Variants in CFAP47 observed in about 807,000 individuals in gnomAD.
The protein encoded by CFAP47 is cilia and flagella associated protein 47.
A neutral mutation model predicts 148.1 loss-of-function variants in CFAP47; 29 were observed. The ratio of observed to expected loss-of-function variants is 0.20; its 90% CI spans 0.15 to 0.27. The LOEUF (loss-of-function observed/expected upper bound fraction) is 0.27. Among genes scored for constraint, CFAP47 ranks in the 10% least tolerant of loss-of-function variants. The pLI, the probability that CFAP47 is intolerant of heterozygous loss-of-function variation, is 1.00. For synonymous variants in CFAP47, 664 were observed against 577.3 expected (o/e 1.15, Z -2.15); for missense variants, 1,872 against 1,697.5 (o/e 1.10, Z -1.81).
intron 2 of CFAP47, among the ~76,000 whole-genome samples, chrX:35,926,570 T>C (rs1428432818): frequency 8.9e-6 from 1 of 112,288 alleles, no homozygotes; most frequent in East Asian, 2.8e-4. Context: ...GACTTGGTTG[T>C]TACAAATTAT....
At chrX:35,922,722 T>A (rs1481841328) in intron 1 of CFAP47, among the ~76,000 whole-genome samples, 6 of 112,581 alleles carry the variant, frequency 5.3e-5, no homozygotes, top group African/African-American at 1.9e-4. Flanking sequence ...TCCAAATCAC[T>A]CCACTTCTCT....
intron 45 of CFAP47, among the ~76,000 whole-genome samples, chrX:36,208,328 C>T (rs1940061312): frequency 9.0e-6 from 1 of 110,973 alleles, no homozygotes; most frequent in African/African-American, 3.3e-5. Context: ...ACTATATGTA[C>T]AGTCATCCCT....
At chrX:36,076,994 A>G (rs1937871448) in intron 29 of CFAP47, among the ~76,000 whole-genome samples, 1 of 110,268 alleles carries the variant, frequency 9.1e-6, no homozygotes, top group Non-Finnish European at 1.9e-5. Flanking sequence ...TTGAATACAG[A>G]ATCCTTTCTC....
intron 48 of CFAP47, among the ~76,000 whole-genome samples, chrX:36,238,475 T>C (rs782316984): frequency 1.1e-4 from 12 of 111,987 alleles, no homozygotes; most frequent in Non-Finnish European, 2.3e-4. Flanking sequence ...TCATATCACC[T>C]ATGTAATTTG....
rs757718555 is a variant in CFAP47, at chrX:35,988,523, A to C, written c.2714-796A>C. 8.9e-5 allele frequency among the ~76,000 whole-genome samples: 10 copies of C among 111,970 alleles called. No homozygotes were observed. In the East Asian group the frequency reaches 2.5e-3, roughly 28 times the overall value. ...AAACTAAGAGGGAGGTAGGCAGTATATAGTTTTTAAGATTTAGAAAACTTC... is the reference window on the plus strand; with the variant it reads ...AAACTAAGAGGGAGGTAGGCAGTATCTAGTTTTTAAGATTTAGAAAACTTC... On this transcript the variant is annotated intron_variant, in intron 15 of 63. Transcript: ENST00000378653.
intron 18 of CFAP47, 32 bp downstream of exon 18, chrX:35,993,353 A>G (rs763415341): frequency 6.9e-6 from 2 of 288,262 alleles, no homozygotes; most frequent in Non-Finnish European, 1.2e-5. Context: ...TTTGCACCTT[A>G]CATATGTCTA....
At chrX:35,975,568 A>G in intron 14 of CFAP47, 104 bp from the exon 15 acceptor site, 1 of 851,080 alleles carries the variant, frequency 1.2e-6, no homozygotes, top group Admixed American at 2.7e-5. Flanking sequence ...CGTGCTAAGA[A>G]TTGTGGATGT....
intron 33 of CFAP47, among the ~76,000 whole-genome samples, chrX:36,121,496 A>G (rs1456430575): frequency 3.7e-5 from 4 of 109,537 alleles, no homozygotes; most frequent in Non-Finnish European, 7.6e-5. Flanking sequence ...TGATTATATG[A>G]TTTAGTGTTT....
chrX:36,202,211 C>A (rs782424241), intron 44 of CFAP47, among the ~76,000 whole-genome samples: 2 of 111,442 alleles, frequency 1.8e-5, no homozygotes, highest in South Asian at 7.5e-4. Flanking sequence ...AAGGTACAAT[C>A]TATTTTTATG....
intron 49 of CFAP47, among the ~76,000 whole-genome samples, chrX:36,272,649 T>C (rs1470262366): frequency 2.7e-5 from 3 of 111,506 alleles, no homozygotes; most frequent in Non-Finnish European, 5.7e-5. Flanking sequence ...CAGTTAATAA[T>C]GTAATAAAGA....
At chrX:36,069,847 A>T (rs755533659) in intron 27 of CFAP47, among the ~76,000 whole-genome samples, 3 of 112,123 alleles carry the variant, frequency 2.7e-5, no homozygotes, top group Admixed American at 1.9e-4. Context: ...TATCAAGTAT[A>T]TCTAAAAGTA....
chrX:36,152,011 A>C (rs1186054787), intron 37 of CFAP47, among the ~76,000 whole-genome samples: 3 of 110,587 alleles, frequency 2.7e-5, no homozygotes, highest in African/African-American at 6.6e-5. Flanking sequence ...CTTCTTTTCT[A>C]AGTGTAATAA....
At chrX:36,167,820 G>C (rs1000846532) in intron 39 of CFAP47, among the ~76,000 whole-genome samples, 4 of 111,679 alleles carry the variant, frequency 3.6e-5, no homozygotes. Flanking sequence ...TTATATTTTA[G>C]TTTATTTTGT....
chrX:36,250,750 AG>A (rs1940681438), intron 48 of CFAP47, among the ~76,000 whole-genome samples: 1 of 110,544 alleles, frequency 9.0e-6, no homozygotes, highest in African/African-American at 3.3e-5. Flanking sequence ...CAGTGACAAA[AG>A]TCCACATCGT....
At chrX:36,273,908 T>A in intron 49 of CFAP47, among the ~76,000 whole-genome samples, 1 of 111,459 alleles carries the variant, frequency 9.0e-6, no homozygotes, top group Non-Finnish European at 1.9e-5. Flanking sequence ...ATTGACATTG[T>A]CAAGAAAAAG....
chrX:36,292,839 T>C (rs1157271836), intron 51 of CFAP47, among the ~76,000 whole-genome samples: 1 of 111,377 alleles, frequency 9.0e-6, no homozygotes, highest in Non-Finnish European at 1.9e-5. Flanking sequence ...AAATTCCTTT[T>C]GAGTTAGATT....
At chrX:36,026,315 T>C (rs1937216114) in intron 22 of CFAP47, among the ~76,000 whole-genome samples, 1 of 111,830 alleles carries the variant, frequency 8.9e-6, no homozygotes, top group Non-Finnish European at 1.9e-5. Flanking sequence ...TTATTGTGTA[T>C]ATTTAAGATG....
intron 49 of CFAP47, among the ~76,000 whole-genome samples, chrX:36,256,009 T>C (rs1555998948): frequency 8.9e-6 from 1 of 112,107 alleles, no homozygotes; most frequent in Non-Finnish European, 1.9e-5. Flanking sequence ...AATGTGTTAA[T>C]GACTGAAAGC....
In CFAP47 at chrX:36,280,497, A is replaced by G; in HGVS notation, c.7455A>G (p.Thr2485=). The change falls in exon 50 of 64, where the codon ACA becomes ACG. Residue 2485 remains threonine, a synonymous_variant. Coordinates refer to ENST00000378653, the MANE Select transcript of CFAP47 (RefSeq NM_001304548.2). ...ACTTATGTGTTGTAGGTACAATTAC[A>G]TTTTCTACTACAAGAAGATGTACTA... ...WKRGILKGTI[T]FSTTRRCTTR... The G allele has an allele frequency of 2.0e-6, 1 of 505,292 alleles. No homozygotes were observed. 41.6% of individuals were successfully genotyped at this position (505,292 alleles called of 1,213,427 possible).
Sources: allele counts gnomAD v4.1 joint callset (sites outside exome capture counted in the v4.1 genomes callset), GRCh38; gene constraint gnomAD v4.1.1; transcripts MANE v1.5; gene names NCBI Gene and HGNC (gene_info 2026-07-23, HGNC 2026-07-21).